The following NSD1 variants were observed in gnomAD, a reference collection of about 807,000 sequenced individuals.
NSD1 encodes histone-lysine N-methyltransferase, H3 lysine-36 specific.
A neutral mutation model predicts 242.7 loss-of-function variants in NSD1; 26 were observed. The ratio of observed to expected loss-of-function variants is 0.11; its 90% CI spans 0.08 to 0.15. NSD1 has a LOEUF of 0.15. Ranked by LOEUF, NSD1 falls within the 10% of genes least tolerant of loss-of-function variation. The pLI is 1.00. For synonymous variants in NSD1, 1,106 were observed against 1,178.1 expected (o/e 0.94, Z 1.25); for missense variants, 2,495 against 3,272.8 (o/e 0.76, Z 5.80).
chr5:177,229,098 C>G (rs990545048), intron 5 of NSD1, among the ~76,000 whole-genome samples: 1 of 152,010 alleles, frequency 6.6e-6, no homozygotes, highest in Admixed American at 6.6e-5. Context: ...AAAAAACTTA[C>G]CATCTGTAAT....
rs199516435 is a variant in NSD1 at position 177,204,785 on chromosome 5, TG to T, written c.1236+494del. On this transcript the variant is annotated intron_variant, in intron 4 of 22. Coordinates refer to ENST00000439151, the MANE Select transcript of NSD1 (RefSeq NM_022455.5). ...GGAGCAGATGCAGGTGGGTTTTTTT[TG>T]TTTGTTTGTTTGTTTGTTTTTCCTC... Among the ~76,000 whole-genome samples the T allele has an allele frequency of 9.3e-3, 1,404 of 151,620 alleles. 19 individuals are homozygous for T. The highest frequency in any genetic ancestry group is 0.032 in the African/African-American group (1,328 of 41,348).
At chr5:177,233,170 A>G (rs953873772) in intron 5 of NSD1, among the ~76,000 whole-genome samples, 5 of 151,730 alleles carry the variant, frequency 3.3e-5, no homozygotes, top group Non-Finnish European at 5.9e-5. Flanking sequence ...GATCTTCCAG[A>G]CTCAAGCATT....
At chr5:177,166,205 G>A (rs946819944) in intron 2 of NSD1, among the ~76,000 whole-genome samples, 10 of 149,960 alleles carry the variant, frequency 6.7e-5, no homozygotes, top group South Asian at 2.1e-4. Flanking sequence ...GAGCCACCGC[G>A]CCTGGCCTCC....
At chr5:177,168,161 A>G (rs1008446549) in intron 2 of NSD1, among the ~76,000 whole-genome samples, 5 of 152,136 alleles carry the variant, frequency 3.3e-5, no homozygotes, top group South Asian at 4.1e-4. Context: ...TTTCCTTTCA[A>G]TAATGTTTTG....
Position 177,135,306 on chromosome 5 carries a change from G to C in NSD1, c.203G>C (p.Cys68Ser), listed in dbSNP as rs1479031599. ...GCTTATGGACAAGATTCTCCATCTT[G>C]TTACATTCCACTGCGGAGACTACAG... is the stretch of plus-strand genomic sequence containing the variant. ...QNAYGQDSPS[C>S]YIPLRRLQDL... Residue 68 changes from cysteine to serine, a missense_variant, in exon 2 of 23, where the codon TGT (cysteine) becomes TCT (serine). Physicochemically the swap from Cys to Ser is moderately radical, Grantham distance 112. Transcript: ENST00000439151. The C allele has an allele frequency of 8.7e-6, 14 of 1,613,470 alleles. No homozygotes were observed. The highest frequency in any genetic ancestry group is 1.2e-5 in the Non-Finnish European group (14 of 1,179,430).
chr5:177,267,465 TG>T, intron 14 of NSD1, 96 bp from the exon 15 acceptor site: 1 of 1,017,768 alleles, frequency 9.8e-7, no homozygotes, highest in Non-Finnish European at 1.5e-6. Context: ...TATCTTTTAG[TG>T]AAGAGAAAGA....
rs531803883 is a variant in NSD1, at chr5:177,223,269, C to A, written c.3796+11074C>A. Among the ~76,000 whole-genome samples, 93 of 151,630 alleles carry A rather than the reference C, an allele frequency of 6.1e-4. 1 individual carries two copies. Among genetic ancestry groups the A allele is most frequent in the African/African-American group, 2.2e-3 (90 of 41,368 alleles). On this transcript the variant is annotated intron_variant, in intron 5 of 22. Coordinates refer to ENST00000439151, the MANE Select transcript of NSD1 (RefSeq NM_022455.5). ...GCTAATTTTAATTTTTTTAAGAGAG[C>A]CAGTCTAGGCACGGTGGCTAGGCCG...
At chr5:177,153,662 G>A (rs1461454796) in intron 2 of NSD1, among the ~76,000 whole-genome samples, 2 of 151,914 alleles carry the variant, frequency 1.3e-5, no homozygotes, top group Non-Finnish European at 2.9e-5. Flanking sequence ...TATATAGCTA[G>A]ATCTGTGTTT....
intron 4 of NSD1, among the ~76,000 whole-genome samples, chr5:177,207,041 A>G (rs557075885): frequency 2.0e-5 from 3 of 152,020 alleles, no homozygotes; most frequent in East Asian, 3.9e-4. Context: ...GGTTCAAGCA[A>G]TTCTCCTGCT....
intron 2 of NSD1, among the ~76,000 whole-genome samples, chr5:177,174,125 G>C (rs921948871): frequency 2.0e-5 from 3 of 151,604 alleles, no homozygotes; most frequent in Admixed American, 6.6e-5. Flanking sequence ...CCAGCACTTT[G>C]GGAGTCCGAG....
chr5:177,269,492 T>A lies in NSD1; in HGVS notation c.5304-110T>A. 1 of 951,162 alleles carries A rather than the reference T, an allele frequency of 1.1e-6. No homozygotes were observed. The highest frequency in any genetic ancestry group is 1.4e-5 in the South Asian group (1 of 72,510). 58.9% of individuals were successfully genotyped at this position (951,162 alleles called of 1,614,324 possible). A position where few individuals can be genotyped will look rare whatever the true frequency, so the allele number is the denominator to read the frequency against. On this transcript the variant is annotated intron_variant, in intron 15 of 22. Coordinates refer to ENST00000439151, the MANE Select transcript of NSD1 (RefSeq NM_022455.5). The surrounding 1 kb of genome is among the most constrained non-coding windows in gnomAD (Gnocchi z 5.1). ...TTGTAAGAATGCCGTAAGATGGACT[T>A]TAATGTGGACAGACAGACATTGCTA... is the stretch of plus-strand genomic sequence containing the variant.
chr5:177,181,427 GTT>G (rs34848476), intron 2 of NSD1, among the ~76,000 whole-genome samples: 5 of 117,334 alleles, frequency 4.3e-5, no homozygotes, highest in African/African-American at 1.5e-4. Flanking sequence ...TTTTTTTTTG[GTT>G]TTTTTTTTTT....
At chr5:177,282,274 G>C (rs1581531606) in intron 18 of NSD1, among the ~76,000 whole-genome samples, 191 bp from the exon 19 acceptor site, 1 of 152,162 alleles carries the variant, frequency 6.6e-6, no homozygotes, top group East Asian at 1.9e-4. Context: ...TGCTGACAGT[G>C]GTAGGAGTAA....
chr5:177,184,154 G>A (rs181855422), intron 2 of NSD1, among the ~76,000 whole-genome samples: 74 of 152,290 alleles, frequency 4.9e-4, no homozygotes, highest in Non-Finnish European at 5.0e-4. Flanking sequence ...AGCTAGTCGT[G>A]GGATTGCTGG....
At chr5:177,184,741 G>A (rs539258270) in intron 2 of NSD1, among the ~76,000 whole-genome samples, 4 of 152,152 alleles carry the variant, frequency 2.6e-5, no homozygotes, top group African/African-American at 4.8e-5. Context: ...ATGGGATCTC[G>A]CCAAAGTTGA....
chr5:177,295,507 T>C lies in NSD1; in HGVS notation c.*48T>C, dbSNP rs754281393. The stretch of plus-strand genomic sequence containing the variant: ...AAACAAGCTGCCCCCAGGGTACCAT[T>C]TGGGGAGGGGAAATCTTTTCTTTCT... On this transcript the variant is annotated 3_prime_UTR_variant, in exon 23 of 23. Transcript: ENST00000439151. The surrounding 1 kb of genome is among the most constrained non-coding windows in gnomAD (Gnocchi z 4.3). 6 of 1,579,612 alleles carry C rather than the reference T, an allele frequency of 3.8e-6. No individual in the cohort carries two copies. The highest frequency in any genetic ancestry group is 2.7e-5 in the African/African-American group (2 of 74,296).
intron 14 of NSD1, among the ~76,000 whole-genome samples, chr5:177,261,328 T>C (rs1330579652): frequency 1.3e-5 from 2 of 148,156 alleles, no homozygotes; most frequent in African/African-American, 4.9e-5. Flanking sequence ...TGATCTACTC[T>C]CCTCAGCTTC....
intron 2 of NSD1, among the ~76,000 whole-genome samples, chr5:177,187,828 A>G (rs2149816192): frequency 6.6e-6 from 1 of 152,320 alleles, no homozygotes; most frequent in African/African-American, 2.4e-5. Context: ...ATCAACTGCA[A>G]AGACCCTACT....
intron 21 of NSD1, 96 bp downstream of exon 21, chr5:177,289,021 T>G (rs534776539): frequency 5.6e-5 from 51 of 905,916 alleles, no homozygotes; most frequent in Non-Finnish European, 6.2e-5. Context: ...GAAATCTCTT[T>G]GAAATTAATG....
Sources: gnomAD v4.1 joint callset for allele counts (sites outside exome capture counted in the v4.1 genomes callset) on GRCh38, gnomAD v4.1.1 for gene constraint, Gnocchi (gnomAD v3.1) non-coding constraint, MANE v1.5 for transcripts, NCBI Gene and HGNC (gene_info 2026-07-23, HGNC 2026-07-21) for gene names.